The following ZSWIM8 variants were observed in gnomAD, a reference collection of about 807,000 sequenced individuals.
ZSWIM8 encodes the protein zinc finger SWIM-type containing 8.
A neutral mutation model predicts 173.7 loss-of-function variants in ZSWIM8; 27 were observed. The ratio of observed to expected loss-of-function variants is 0.16; its 90% CI spans 0.11 to 0.21. ZSWIM8 has a LOEUF of 0.21. Ranked by LOEUF, ZSWIM8 falls within the 10% of genes least tolerant of loss-of-function variation. The pLI, the probability that ZSWIM8 is intolerant of heterozygous loss-of-function variation, is 1.00. For synonymous variants in ZSWIM8, 958 were observed against 962.0 expected (o/e 1.00, Z 0.08); for missense variants, 1,627 against 2,428.8 (o/e 0.67, Z 6.94).
Position 73,800,456 on chromosome 10 carries a change from T to G in ZSWIM8, c.4986T>G (p.His1662Gln), listed in dbSNP as rs769072914. ...ATCCCCACAGCCTGCACCACCTGCA[T>G]GCTGCCTACCGTGTCGGTGAGAGGA... ...PVNPHSLHHL[H>Q]AAYRVGMLAL... is the part of the protein sequence containing the mutation. Residue 1662 changes from histidine to glutamine, a missense_variant, in exon 23 of 26, where the codon CAT becomes CAG. Around this residue, in one of 18 missense-constraint regions of ZSWIM8, gnomAD observed 275 missense variants for 290.1 expected, o/e 0.95. Transcript: ENST00000604729. This position sits in a 1 kb window ranked among gnomAD's most constrained non-coding sequence, Gnocchi z 4.1. 20 of 1,613,908 alleles carry G rather than the reference T, an allele frequency of 1.2e-5. No homozygotes were observed. The South Asian group carries it at 1.8e-4, about 14-fold the overall frequency.
In ZSWIM8 at chr10:73,797,979, C is replaced by T. The variant is rs183471789; in HGVS notation, c.3861C>T (p.Phe1287=). ...ACCGCAACCTGCACCTTTGCGCCTT[C>T]GAGATTGGGCTTTATGCCCTTGGCC... ...GPHRNLHLCA[F]EIGLYALGLH... The change falls in exon 19 of 26, where the codon TTC becomes TTT. Residue 1287 remains phenylalanine (F), a synonymous_variant. Coordinates refer to ENST00000604729, the MANE Select transcript of ZSWIM8 (RefSeq NM_001367799.1). This position sits in a 1 kb window ranked among gnomAD's most constrained non-coding sequence, Gnocchi z 5.6. 1.9e-5 allele frequency: 31 copies of T among 1,614,044 alleles called. No homozygotes were observed. The highest frequency in any genetic ancestry group is 1.7e-4 in the African/African-American group (13 of 75,064).
At chr10:73,794,783 C>G (rs7908825) in intron 14 of ZSWIM8, 144 bp downstream of exon 14, 372,317 of 714,030 alleles carry the variant, frequency 0.52, 104,723 homozygotes, top group Middle Eastern at 0.69. Flanking sequence ...GACAGGAATT[C>G]AGGGCAAAAA....
chr10:73,796,631 G>T, intron 15 of ZSWIM8, 143 bp from the exon 16 acceptor site: 1 of 1,134,118 alleles, frequency 8.8e-7, no homozygotes. Flanking sequence ...TAAACCAGGA[G>T]GTCATCCTGT....
chr10:73,801,484 C>T lies in ZSWIM8; in HGVS notation c.5470C>T (p.Arg1824Trp), dbSNP rs1378231909. The T allele has an allele frequency of 1.9e-6, 3 of 1,613,958 alleles. No homozygotes were observed. Among genetic ancestry groups the T allele is most frequent in the Non-Finnish European group, 2.5e-6 (3 of 1,179,886 alleles). The change falls in exon 26 of 26, where the codon CGG (arginine) becomes TGG (tryptophan). Residue 1824 changes from arginine (R) to tryptophan (W), a missense_variant. This residue lies in a region of ZSWIM8 where 122 missense variants were observed against 196.1 expected (regional missense o/e 0.62). Transcript: ENST00000604729. The surrounding 1 kb of genome is among the most constrained non-coding windows in gnomAD (Gnocchi z 4.9). ...CAAACAGACCAAGGAGCTGTGGCAG[C>T]GGGTCTCACTCGAGATGGCCACCTT... ...RSKQTKELWQ[R>W]VSLEMATFSP
chr10:73,796,639 T>G, intron 15 of ZSWIM8, 135 bp from the exon 16 acceptor site: 1 of 1,240,330 alleles, frequency 8.1e-7, no homozygotes, highest in Non-Finnish European at 1.1e-6. Flanking sequence ...GAGGTCATCC[T>G]GTGGTTGTAA....
intron 15 of ZSWIM8, chr10:73,796,299 T>C: frequency 2.9e-6 from 1 of 346,902 alleles, no homozygotes; most frequent in Non-Finnish European, 5.6e-6. Flanking sequence ...CAGTGAGCTA[T>C]AATCATACCA....
Position 73,799,276 on chromosome 10 carries a change from C to G in ZSWIM8, c.4451C>G (p.Ala1484Gly). 1 of 1,599,954 alleles carries G rather than the reference C, an allele frequency of 6.3e-7. No individual in the cohort carries two copies. Among genetic ancestry groups the G allele is most frequent in the Non-Finnish European group, 8.5e-7 (1 of 1,173,702 alleles). Residue 1484 changes from alanine to glycine, a missense_variant, in exon 21 of 26, where the codon GCC becomes GGC. Physicochemically the swap from Ala to Gly is moderately conservative, Grantham distance 60 (BLOSUM62 0). Coordinates refer to ENST00000604729, the MANE Select transcript of ZSWIM8 (RefSeq NM_001367799.1). Reference protein sequence around the residue: ...TVAAAAVTAAATVVPVISVGS... With the variant: ...TVAAAAVTAAGTVVPVISVGS... ...GCAGCGGCAGCAGTGACAGCAGCAG[C>G]CACAGTGGTGCCCGTCATATCGGTG... is the stretch of plus-strand genomic sequence containing the variant.
Position 73,798,544 on chromosome 10 carries a change from C to G in ZSWIM8, c.4176+91C>G. The G allele has an allele frequency of 2.5e-6, 3 of 1,189,788 alleles. No individual in the cohort carries two copies. The Admixed American group carries it at 6.9e-5, about 28-fold the overall frequency. 73.7% of individuals were successfully genotyped at this position (1,189,788 alleles called of 1,614,324 possible). A position where few individuals can be genotyped will look rare whatever the true frequency, so the allele number is the denominator to read the frequency against. On this transcript the variant is annotated intron_variant, in intron 20 of 25. Coordinates refer to ENST00000604729, the MANE Select transcript of ZSWIM8 (RefSeq NM_001367799.1). ...AGCTAAGGGCCCAGCTCTTGATTCC[C>G]GTATCCTGGAGTTTACAGATGATTG... is the stretch of plus-strand genomic sequence containing the variant.
At position 73,792,117 on chromosome 10, in the gene ZSWIM8, A is replaced by G; in HGVS notation, c.1578A>G (p.Glu526=). ...PGASRSGGLE[E]SRDRPRPLPT... ...CCTCCCGCTCTGGGGGCCTGGAGGA[A>G]TCCCGGGACCGGCCCCGACCCCTTC... Residue 526 remains glutamate, a synonymous_variant, in exon 10 of 26, where the codon GAA becomes GAG. Coordinates refer to ENST00000604729, the MANE Select transcript of ZSWIM8 (RefSeq NM_001367799.1). The surrounding 1 kb of genome is among the most constrained non-coding windows in gnomAD (Gnocchi z 4.3). The G allele has an allele frequency of 6.5e-7, 1 of 1,532,140 alleles. No individual in the cohort carries two copies. Among genetic ancestry groups the G allele is most frequent in the Non-Finnish European group, 8.8e-7 (1 of 1,136,174 alleles). 94.9% of individuals were successfully genotyped at this position (1,532,140 alleles called of 1,614,324 possible).
chr10:73,794,926 T>TA lies in ZSWIM8; in HGVS notation c.2908+315dup, dbSNP rs34754583. 524 of 91,692 alleles carry TA rather than the reference T, an allele frequency of 5.7e-3. 12 individuals carry two copies. The highest frequency in any genetic ancestry group is 0.044 in the East Asian group (144 of 3,258). The allele number at this position is 91,692 out of a possible 1,614,324, so 5.7% of individuals were successfully genotyped here. On this transcript the variant is annotated intron_variant, in intron 14 of 25. Transcript: ENST00000604729. ...AACCTAGCAAGACCTCATCTCTACT[T>TA]AAAAAAAAAAAAAAAAAAAAAAAAA...
In ZSWIM8 at chr10:73,791,274, T is replaced by C; in HGVS notation, c.1144-50T>C. 1 of 1,578,962 alleles carries C rather than the reference T, an allele frequency of 6.3e-7. No homozygotes were observed. Among genetic ancestry groups the C allele is most frequent in the Non-Finnish European group, 8.6e-7 (1 of 1,156,354 alleles). On this transcript the variant is annotated intron_variant, in intron 8 of 25. Coordinates refer to ENST00000604729, the MANE Select transcript of ZSWIM8 (RefSeq NM_001367799.1). This position sits in a 1 kb window ranked among gnomAD's most constrained non-coding sequence, Gnocchi z 6.0. ...GAAATGGACTCTGGGAGGGCTACTC[T>C]GCCTTTCTCTGAGCTCTCAGGTGCA... is the stretch of plus-strand genomic sequence containing the variant.
At chr10:73,798,931 G>A in intron 20 of ZSWIM8, 71 bp from the exon 21 acceptor site, 2 of 1,529,848 alleles carry the variant, frequency 1.3e-6, no homozygotes. Flanking sequence ...GGGAGACATT[G>A]GAATCTCATC....
intron 21 of ZSWIM8, 99 bp from the exon 22 acceptor site, chr10:73,799,912 C>CAA: frequency 1.9e-6 from 2 of 1,032,222 alleles, no homozygotes; most frequent in African/African-American, 1.6e-5. Context: ...GACTCTATCT[C>CAA]AAAAAAAACA....
chr10:73,801,101 C>T lies in ZSWIM8; in HGVS notation c.5207C>T (p.Thr1736Met), dbSNP rs750327939. 29 of 1,574,898 alleles carry T rather than the reference C, an allele frequency of 1.8e-5. No homozygotes were observed. The highest frequency in any genetic ancestry group is 4.7e-5 in the South Asian group (4 of 85,862). ...GTGCTGCAGGAGATCGTCATGGAGA[C>T]GCTGCAGCGGCTGAGTCCCGCTCAT... ...PFVLQEIVME[T>M]LQRLSPAHAH... Residue 1736 changes from threonine (T) to methionine (M), a missense_variant, in exon 25 of 26, where the codon ACG becomes ATG. Thr to Met is a moderately conservative substitution (Grantham distance 81, BLOSUM62 -1). Coordinates refer to ENST00000604729, the MANE Select transcript of ZSWIM8 (RefSeq NM_001367799.1). This position sits in a 1 kb window ranked among gnomAD's most constrained non-coding sequence, Gnocchi z 4.9.
chr10:73,788,558 C>T, intron 1 of ZSWIM8, 112 bp from the exon 2 acceptor site: 1 of 1,333,154 alleles, frequency 7.5e-7, no homozygotes, highest in Non-Finnish European at 1.0e-6. Context: ...TCTCTTCTTT[C>T]TTTCATAGTG....
chr10:73,791,180 A>C lies in ZSWIM8; in HGVS notation c.1143+4A>C. On this transcript the variant is annotated splice_donor_region_variant and intron_variant, in intron 8 of 25. Coordinates refer to ENST00000604729, the MANE Select transcript of ZSWIM8 (RefSeq NM_001367799.1). This position sits in a 1 kb window ranked among gnomAD's most constrained non-coding sequence, Gnocchi z 6.0. Reference sequence around the variant, plus strand: ...CCAGTGCCTCACCTATGAACAGGTAATCACTCAGCGTTGGGGAGCCCCGTG... The same window carrying C: ...CCAGTGCCTCACCTATGAACAGGTACTCACTCAGCGTTGGGGAGCCCCGTG... 6.3e-7 allele frequency: 1 copy of C among 1,597,094 alleles called. No homozygotes were observed. Among genetic ancestry groups the C allele is most frequent in the Non-Finnish European group, 8.6e-7 (1 of 1,167,840 alleles).
chr10:73,798,462 A>G lies in ZSWIM8; in HGVS notation c.4176+9A>G, dbSNP rs762449793. The G allele has an allele frequency of 1.9e-6, 3 of 1,608,810 alleles. No individual in the cohort carries two copies. The highest frequency in any genetic ancestry group is 3.3e-5 in the Admixed American group (2 of 59,850). On this transcript the variant is annotated intron_variant, in intron 20 of 25. Coordinates refer to ENST00000604729, the MANE Select transcript of ZSWIM8 (RefSeq NM_001367799.1). ...TGCAGTGCAAGGAACAGGTATTTCT[A>G]CGGGCAATCTGGGAACCTCTTCTGG... is the stretch of plus-strand genomic sequence containing the variant.
At chr10:73,793,479 G>T (rs1457040921) in intron 10 of ZSWIM8, 109 bp from the exon 11 acceptor site, 2 of 1,292,862 alleles carry the variant, frequency 1.5e-6, no homozygotes, top group Non-Finnish European at 1.1e-6. Flanking sequence ...GCGGCACAGG[G>T]CCTGGCATGT....
chr10:73,797,795 G>A lies in ZSWIM8; in HGVS notation c.3677G>A (p.Arg1226His), dbSNP rs748974591. The A allele has an allele frequency of 2.5e-6, 4 of 1,611,424 alleles. No homozygotes were observed. The highest frequency in any genetic ancestry group is 2.2e-5 in the East Asian group (1 of 44,838). The part of the protein sequence containing the change: ...TVEVGRYKGR[R>H]PESHAPHVPN... Reference sequence around the variant, plus strand: ...TGCCCCTTCAGGTACAAGGGCCGCCGCCCCGAGAGTCATGCCCCTCATGTA... The same window carrying A: ...TGCCCCTTCAGGTACAAGGGCCGCCACCCCGAGAGTCATGCCCCTCATGTA... The change falls in exon 19 of 26, where the codon CGC (arginine) becomes CAC (histidine). Residue 1226 changes from arginine (R) to histidine (H), a missense_variant. Physicochemically the swap from Arg to His is conservative, Grantham distance 29. This residue lies in a region of ZSWIM8 where 72 missense variants were observed against 98.4 expected (regional missense o/e 0.73). Coordinates refer to ENST00000604729, the MANE Select transcript of ZSWIM8 (RefSeq NM_001367799.1). This position sits in a 1 kb window ranked among gnomAD's most constrained non-coding sequence, Gnocchi z 5.6.
Sources: gnomAD v4.1 joint callset for allele counts on GRCh38, gnomAD v4.1.1 for gene constraint, gnomAD v4.1.1 regional missense constraint, Gnocchi (gnomAD v3.1) non-coding constraint, MANE v1.5 for transcripts, NCBI Gene and HGNC (gene_info 2026-07-23, HGNC 2026-07-21) for gene names.